Variants in PDE4D observed in about 807,000 individuals in gnomAD.
PDE4D encodes the protein phosphodiesterase 4D, also known as 3',5'-cyclic-AMP phosphodiesterase 4D.
PDE4D carries 24 observed loss-of-function variants against 87.4 expected under a neutral mutation model. The observed-to-expected ratio is 0.27, with a 90% confidence interval of 0.20 to 0.39. PDE4D has a LOEUF of 0.39. Ranked by LOEUF, PDE4D falls within the 10% of genes least tolerant of loss-of-function variation. The pLI, the probability that PDE4D is intolerant of heterozygous loss-of-function variation, is 1.00. For missense variants in PDE4D, 714 were observed against 1,041.0 expected (o/e 0.69, Z 4.32); for synonymous variants, 384 against 383.2 (o/e 1.00, Z -0.02).
intron 4 of PDE4D, among the ~76,000 whole-genome samples, chr5:59,181,015 T>C (rs538301156): frequency 2.0e-5 from 3 of 152,186 alleles, no homozygotes; most frequent in Non-Finnish European, 4.4e-5. Context: ...TAATACAGGG[T>C]TAAGAAATTT....
intron 1 of PDE4D, among the ~76,000 whole-genome samples, chr5:60,477,216 T>C (rs1481168710): frequency 6.6e-6 from 1 of 152,056 alleles, no homozygotes; most frequent in Non-Finnish European, 1.5e-5. Context: ...TAATAGCGGC[T>C]CCAAAATACA....
chr5:59,914,220 CA>C (rs1372527734), intron 3 of PDE4D, among the ~76,000 whole-genome samples: 2 of 152,006 alleles, frequency 1.3e-5, no homozygotes, highest in African/African-American at 4.8e-5. Context: ...AGACAATAGA[CA>C]ACAAATTAAT....
chr5:59,244,536 C>A (rs181915), intron 1 of PDE4D, among the ~76,000 whole-genome samples: 30,815 of 149,768 alleles, frequency 0.21, 3,453 homozygotes, highest in Non-Finnish European at 0.25. Flanking sequence ...GTCTCTCTCT[C>A]TATATACACA....
intron 1 of PDE4D, among the ~76,000 whole-genome samples, chr5:59,698,395 T>C (rs765911848): frequency 6.6e-6 from 1 of 152,018 alleles, no homozygotes; most frequent in Middle Eastern, 3.2e-3. Context: ...ATTTGAGAAG[T>C]TGACTATGTT....
chr5:60,481,338 A>G (rs1203377817), intron 1 of PDE4D, among the ~76,000 whole-genome samples: 10 of 152,112 alleles, frequency 6.6e-5, no homozygotes, highest in Non-Finnish European at 7.4e-5. Flanking sequence ...CTGAAAAAAA[A>G]TTGTTTACTG....
chr5:60,366,445 C>G (rs1733620640), intron 1 of PDE4D, among the ~76,000 whole-genome samples: 1 of 152,098 alleles, frequency 6.6e-6, no homozygotes, highest in African/African-American at 2.4e-5. Context: ...GAAGTTCTCC[C>G]TAAGTAAAAC....
intron 5 of PDE4D, chr5:59,039,387 G>A (rs1759202712): frequency 9.8e-7 from 1 of 1,016,064 alleles, no homozygotes; most frequent in Admixed American, 6.0e-5. Context: ...AGGAGCGTCT[G>A]GTCCACAGCC....
At chr5:60,026,140 G>A (rs1422690722) in intron 2 of PDE4D, among the ~76,000 whole-genome samples, 3 of 152,134 alleles carry the variant, frequency 2.0e-5, no homozygotes, top group African/African-American at 7.2e-5. Flanking sequence ...TCATTTACAT[G>A]TGCAAAAATT....
chr5:59,711,855 A>C (rs989888268), intron 1 of PDE4D, among the ~76,000 whole-genome samples: 1 of 152,030 alleles, frequency 6.6e-6, no homozygotes, highest in African/African-American at 2.4e-5. Context: ...TTCATTAGCA[A>C]CTCTCATGAA....
chr5:59,841,978 A>G (rs376777054), intron 1 of PDE4D, among the ~76,000 whole-genome samples: 1 of 151,998 alleles, frequency 6.6e-6, no homozygotes, highest in African/African-American at 2.4e-5. Flanking sequence ...GCCAGGTAAG[A>G]AAAGGGTTTC....
At chr5:60,489,421 C>T (rs572587057), upstream of PDE4D, among the ~76,000 whole-genome samples, 8 of 152,266 alleles carry the variant, frequency 5.3e-5, no homozygotes, top group South Asian at 1.7e-3. Flanking sequence ...GACATATAAA[C>T]AGTAACAGAA....
chr5:59,216,937 T>C (rs1230719741), intron 1 of PDE4D: 1 of 196,516 alleles, frequency 5.1e-6, no homozygotes, highest in Non-Finnish European at 1.0e-5. Context: ...TTTCACCCGG[T>C]CTCCATTCCT....
At chr5:59,091,614 A>G (rs1229979551) in intron 5 of PDE4D, among the ~76,000 whole-genome samples, 1 of 152,100 alleles carries the variant, frequency 6.6e-6, no homozygotes, top group African/African-American at 2.4e-5. Context: ...ATGCATACAT[A>G]CGTGGTAAAT....
intron 1 of PDE4D, among the ~76,000 whole-genome samples, chr5:59,669,982 T>TTCACATTATGCAA (rs1746925238): frequency 6.6e-6 from 1 of 152,180 alleles, no homozygotes; most frequent in African/African-American, 2.4e-5. Context: ...AAAATTTTCT[T>TTCACATTATGCAA]AAGTTTTACT....
chr5:59,493,044 T>A (rs1360056514), intron 1 of PDE4D, among the ~76,000 whole-genome samples: 1 of 152,326 alleles, frequency 6.6e-6, no homozygotes, highest in African/African-American at 2.4e-5. Flanking sequence ...TGGACTAATA[T>A]GATCTATATG....
intron 1 of PDE4D, among the ~76,000 whole-genome samples, chr5:59,526,918 G>A (rs542731552): frequency 6.6e-6 from 1 of 152,250 alleles, no homozygotes; most frequent in South Asian, 2.1e-4. Context: ...GAGCCACCAG[G>A]CCTGGCCAAT....
At chr5:59,649,450 T>A (rs1743007490) in intron 1 of PDE4D, among the ~76,000 whole-genome samples, 1 of 151,834 alleles carries the variant, frequency 6.6e-6, no homozygotes, top group Non-Finnish European at 1.5e-5. Context: ...GGATAAGTAA[T>A]TGAAATTGGT....
chr5:59,442,145 C>G lies in PDE4D; in HGVS notation c.456-226177G>C, dbSNP rs573460881. ...AAATGATAACAATGGGCTTTGGGAC[C>G]ATTTTTTATTAATGAAAGATAAGGC... On this transcript the variant is annotated intron_variant, in intron 1 of 14. Coordinates refer to ENST00000340635, the MANE Select transcript of PDE4D (RefSeq NM_001104631.2). Among the ~76,000 whole-genome samples, 11 of 152,186 alleles carry G rather than the reference C, an allele frequency of 7.2e-5. No individual in the cohort carries two copies. In the East Asian group the frequency reaches 1.7e-3, roughly 24 times the overall value.
At chr5:60,461,880 G>A (rs1335744948) in intron 1 of PDE4D, among the ~76,000 whole-genome samples, 1 of 152,186 alleles carries the variant, frequency 6.6e-6, no homozygotes, top group African/African-American at 2.4e-5. Flanking sequence ...GAATACGCTG[G>A]ACCTCAGTCT....
Sources: gnomAD v4.1 joint callset for allele counts (sites outside exome capture counted in the v4.1 genomes callset) on GRCh38, gnomAD v4.1.1 for gene constraint, MANE v1.5 for transcripts, NCBI Gene and HGNC (gene_info 2026-07-23, HGNC 2026-07-21) for gene names.